The following COL4A3 variants were observed in gnomAD, a reference collection of about 807,000 sequenced individuals.
COL4A3 encodes the protein collagen type IV alpha 3 chain, also known as collagen alpha-3(IV) chain.
Under a neutral mutation model 217.4 loss-of-function variants are expected in COL4A3, and 135 were observed. The ratio of observed to expected loss-of-function variants is 0.62; its 90% confidence interval spans 0.54 to 0.72. The LOEUF (loss-of-function observed/expected upper bound fraction) is 0.72. Among genes scored for constraint, COL4A3 ranks in the 30% least tolerant of loss-of-function variants. The pLI is 0.00. For missense variants in COL4A3, 1,868 were observed against 2,119.9 expected (o/e 0.88, Z 2.33); for synonymous variants, 690 against 736.3 (o/e 0.94, Z 1.02).
chr2:227,177,847 C>T (rs1029800513), intron 1 of COL4A3, among the ~76,000 whole-genome samples: 2 of 152,140 alleles, frequency 1.3e-5, no homozygotes, highest in African/African-American at 4.8e-5. Context: ...GAGTGACTGT[C>T]ACAGTATCGC....
At chr2:227,303,338 G>A (rs191021562) in intron 44 of COL4A3, among the ~76,000 whole-genome samples, 1 of 152,254 alleles carries the variant, frequency 6.6e-6, no homozygotes. Context: ...GTAAAAGACT[G>A]TGATTGGAAG....
At chr2:227,171,992 T>C (rs1380390782) in intron 1 of COL4A3, among the ~76,000 whole-genome samples, 2 of 152,178 alleles carry the variant, frequency 1.3e-5, no homozygotes, top group Non-Finnish European at 2.9e-5. Context: ...CTGCCGGCGC[T>C]TGAGAGGGGA....
chr2:227,310,700 A>C (rs1180454792), intron 50 of COL4A3, 76 bp from the exon 51 acceptor site: 2 of 798,330 alleles, frequency 2.5e-6, no homozygotes, highest in Non-Finnish European at 3.6e-6. Context: ...CCATTCATTC[A>C]AAAAAAAAAG....
intron 1 of COL4A3, among the ~76,000 whole-genome samples, chr2:227,226,679 A>G (rs975180382): frequency 1.1e-4 from 16 of 152,236 alleles, no homozygotes; most frequent in South Asian, 2.1e-4. Flanking sequence ...CCAGTTGGCC[A>G]GGCTGGCCTT....
Position 227,269,091 on chromosome 2 carries a change from C to G in COL4A3, c.1505-819C>G, listed in dbSNP as rs574791080. On this transcript the variant is annotated intron_variant, in intron 23 of 51. Coordinates refer to ENST00000396578, the MANE Select transcript of COL4A3 (RefSeq NM_000091.5). Reference sequence around the variant, plus strand: ...AATAAATATGTGTTGATTAACTGACCAGAGACCCACCCAGAAGGTCATTTA... The same window carrying G: ...AATAAATATGTGTTGATTAACTGACGAGAGACCCACCCAGAAGGTCATTTA... 2.8e-4 allele frequency among the ~76,000 whole-genome samples: 43 copies of G among 152,176 alleles called. No homozygotes were observed. The South Asian group carries it at 9.0e-3, about 32-fold the overall frequency.
rs377125283 is a variant in COL4A3 at position 227,272,964 on chromosome 2, A to C, written c.1774A>C (p.Lys592Gln). 2.5e-6 allele frequency: 4 copies of C among 1,613,984 alleles called. No homozygotes were observed. The African/African-American group carries it at 4.0e-5, about 16-fold the overall frequency. Residue 592 changes from lysine (K) to glutamine (Q), a missense_variant, in exon 26 of 52, where the codon AAA (lysine) becomes CAA (glutamine). This residue lies in a region of COL4A3 where 1,503 missense variants were observed against 1,786.1 expected (regional missense o/e 0.84). Coordinates refer to ENST00000396578, the MANE Select transcript of COL4A3 (RefSeq NM_000091.5). Reference sequence around the variant, plus strand: ...GTTGTCACAGGCTCTGAGTGGTGAGAAAGGGGACCAAGGTCCTCCAGGGGA... The same window carrying C: ...GTTGTCACAGGCTCTGAGTGGTGAGCAAGGGGACCAAGGTCCTCCAGGGGA... ...PKGELALSGE[K>Q]GDQGPPGDPG...
intron 42 of COL4A3, among the ~76,000 whole-genome samples, chr2:227,298,305 T>C (rs764700038): frequency 1.3e-5 from 2 of 152,096 alleles, no homozygotes; most frequent in African/African-American, 2.4e-5. Flanking sequence ...TGAGCTGAGA[T>C]TGCGCCACTG....
chr2:227,277,698 TACTCTTTA>T, intron 28 of COL4A3, 145 bp downstream of exon 28: 1 of 640,008 alleles, frequency 1.6e-6, no homozygotes, highest in South Asian at 1.9e-5. Context: ...ATATCCATAA[TACTCTTTA>T]AAATGTTTTC....
At chr2:227,208,805 C>CACACACACACACAT (rs1553741133) in intron 1 of COL4A3, among the ~76,000 whole-genome samples, 1 of 106,236 alleles carries the variant, frequency 9.4e-6, no homozygotes, top group East Asian at 2.0e-4. Context: ...CACACACACA[C>CACACACACACACAT]ATATATACAG....
intron 25 of COL4A3, among the ~76,000 whole-genome samples, chr2:227,271,936 G>A (rs931232327): frequency 1.3e-4 from 20 of 152,174 alleles, no homozygotes; most frequent in African/African-American, 4.8e-4. Flanking sequence ...ACCTCAAAGA[G>A]GTTTGGAGAA....
chr2:227,280,755 T>G, intron 30 of COL4A3, 138 bp from the exon 31 acceptor site: 1 of 1,049,612 alleles, frequency 9.5e-7, no homozygotes, highest in East Asian at 2.5e-5. Flanking sequence ...ATGAGTGCCC[T>G]CTAGAAAAGG....
chr2:227,247,602 T>A lies in COL4A3; in HGVS notation c.468+18T>A. On this transcript the variant is annotated intron_variant, in intron 8 of 51. Coordinates refer to ENST00000396578, the MANE Select transcript of COL4A3 (RefSeq NM_000091.5). The stretch of plus-strand genomic sequence containing the variant: ...GACAAAAGGTAAGTCATTGGTGGAA[T>A]GCTGTCACTGAAAATCTCTAACTGT... 1 of 1,613,814 alleles carries A rather than the reference T, an allele frequency of 6.2e-7. No homozygotes were observed. Among genetic ancestry groups the A allele is most frequent in the Non-Finnish European group, 8.5e-7 (1 of 1,179,696 alleles).
intron 3 of COL4A3, 40 bp from the exon 4 acceptor site, chr2:227,244,280 T>C: frequency 6.3e-7 from 1 of 1,596,914 alleles, no homozygotes; most frequent in Non-Finnish European, 8.6e-7. Context: ...GCCAAATAAT[T>C]TTCAGAGTGT....
chr2:227,245,632 T>C (rs944468928), intron 5 of COL4A3: 1 of 418,138 alleles, frequency 2.4e-6, no homozygotes, highest in African/African-American at 2.0e-5. Flanking sequence ...AATAGTTTCA[T>C]CTGTGCACAC....
At chr2:227,179,698 C>T (rs1413506638) in intron 1 of COL4A3, among the ~76,000 whole-genome samples, 5 of 152,166 alleles carry the variant, frequency 3.3e-5, no homozygotes, top group African/African-American at 9.7e-5. Flanking sequence ...CCATATCTTA[C>T]TATGTGAGGG....
In COL4A3 at chr2:227,253,726, G is replaced by C. The variant is rs2069948814; in HGVS notation, c.765+88G>C. 3 of 1,157,382 alleles carry C rather than the reference G, an allele frequency of 2.6e-6. No homozygotes were observed. The highest frequency in any genetic ancestry group is 3.9e-6 in the Non-Finnish European group (3 of 764,330). The allele number at this position is 1,157,382 out of a possible 1,614,324, so 71.7% of individuals were successfully genotyped here. A position where few individuals can be genotyped will look rare whatever the true frequency, so the allele number is the denominator to read the frequency against. ...CCCTGCACCTCTTTTACAAGCTCTT[G>C]TTATCTAAGTCCAGCTCAGCCCAGC... On this transcript the variant is annotated intron_variant, in intron 13 of 51. Transcript: ENST00000396578. The surrounding 1 kb of genome is among the most constrained non-coding windows in gnomAD (Gnocchi z 4.4).
In COL4A3 at chr2:227,251,327, T is replaced by C; in HGVS notation, c.610-9T>C. On this transcript the variant is annotated splice_polypyrimidine_tract_variant and intron_variant, in intron 10 of 51. Coordinates refer to ENST00000396578, the MANE Select transcript of COL4A3 (RefSeq NM_000091.5). ...TCCTGCTGTGATTTTCATTTGTGGA[T>C]TTTTCTAGGGCTTTCCAGGAGCCAT... The C allele has an allele frequency of 1.2e-6, 2 of 1,613,200 alleles. No individual in the cohort carries two copies. The highest frequency in any genetic ancestry group is 4.5e-5 in the East Asian group (2 of 44,852).
At chr2:227,195,029 T>C (rs2066415498) in intron 1 of COL4A3, among the ~76,000 whole-genome samples, 1 of 152,044 alleles carries the variant, frequency 6.6e-6, no homozygotes, top group Admixed American at 6.5e-5. Context: ...AAAAAGAAAA[T>C]TTTCTATTAA....
chr2:227,223,271 T>C (rs1389873407), intron 1 of COL4A3, among the ~76,000 whole-genome samples: 1 of 152,198 alleles, frequency 6.6e-6, no homozygotes, highest in Non-Finnish European at 1.5e-5. Context: ...ATAATTCATA[T>C]ACATGAAAAG....
Sources: allele counts gnomAD v4.1 joint callset (sites outside exome capture counted in the v4.1 genomes callset), GRCh38; gene constraint gnomAD v4.1.1; regional missense constraint gnomAD v4.1.1; non-coding constraint Gnocchi (gnomAD v3.1); transcripts MANE v1.5; gene names NCBI Gene and HGNC (gene_info 2026-07-23, HGNC 2026-07-21).